SOX8: variants seen among roughly 807,000 people sequenced by gnomAD.
SOX8 encodes transcription factor SOX-8.
Under a neutral mutation model 22.9 loss-of-function variants are expected in SOX8, and 9 were observed. That is an observed-to-expected ratio of 0.39 (90% CI 0.24 to 0.69). SOX8 has a LOEUF of 0.69. Among genes scored for constraint, SOX8 ranks in the 30% least tolerant of loss-of-function variants. The pLI is 0.43. For missense variants in SOX8, 734 were observed against 699.4 expected, an observed-to-expected ratio of 1.05 and a Z score of -0.56; for synonymous variants, 416 against 330.6, an observed-to-expected ratio of 1.26 and a Z score of -2.80.
rs1472223167 is a variant in SOX8 at position 986,959 on chromosome 16, A to C, written c.*1573A>C. On this transcript the variant is annotated 3_prime_UTR_variant, in exon 3 of 3. Transcript: ENST00000293894. ...TTGTACAGATCGATTTGATAAAATT[A>C]AACAAAGTGCTTTTTATGGACGTGG... The C allele has an allele frequency of 1.3e-5, 2 of 152,242 alleles. No homozygotes were observed. Among genetic ancestry groups the C allele is most frequent in the Non-Finnish European group, 2.9e-5 (2 of 68,038 alleles). 9.4% of individuals were successfully genotyped at this position (152,242 alleles called of 1,614,324 possible). A position where few individuals can be genotyped will look rare whatever the true frequency, so the allele number is the denominator to read the frequency against.
chr16:984,194 GAC>G (rs1331932312), intron 2 of SOX8, among the ~76,000 whole-genome samples: 3 of 152,230 alleles, frequency 2.0e-5, no homozygotes, highest in Non-Finnish European at 4.4e-5. Context: ...GCTTGGCAGG[GAC>G]CCCGAGAGGT....
chr16:984,963 C>A lies in SOX8; in HGVS notation c.918C>A (p.Ala306=), dbSNP rs778583065. Reference sequence around the variant, plus strand: ...AGCCGGGCCAGGCCTATGGGGGCGCCTACTTCCACGCCGGGGCGTCCCCCG... The same window carrying A: ...AGCCGGGCCAGGCCTATGGGGGCGCATACTTCCACGCCGGGGCGTCCCCCG... ...PPEPGQAYGG[A]YFHAGASPVW... Residue 306 remains alanine (A), a synonymous_variant, in exon 3 of 3, where the codon GCC becomes GCA. Coordinates refer to ENST00000293894, the MANE Select transcript of SOX8 (RefSeq NM_014587.5). 23 of 1,596,484 alleles carry A rather than the reference C, an allele frequency of 1.4e-5. No individual in the cohort carries two copies. The highest frequency in any genetic ancestry group is 3.4e-4 in the Middle Eastern group (2 of 5,970).
rs1372425757 is a variant in SOX8 at position 984,934 on chromosome 16, C to T, written c.889C>T (p.Pro297Ser). 7 of 1,602,666 alleles carry T rather than the reference C, an allele frequency of 4.4e-6. No individual in the cohort carries two copies. Among genetic ancestry groups the T allele is most frequent in the South Asian group, 1.1e-5 (1 of 90,136 alleles). ...CCTGCCCCTGGGCGGCCCCGCCCCA[C>T]CCGAGCCGGGCCAGGCCTATGGGGG... The part of the protein sequence containing the change: ...QYLPLGGPAP[P>S]EPGQAYGGAY... Residue 297 changes from proline to serine, a missense_variant, in exon 3 of 3, where the codon CCC becomes TCC. Coordinates refer to ENST00000293894, the MANE Select transcript of SOX8 (RefSeq NM_014587.5).
At chr16:984,564 C>T (rs1343926926) in intron 2 of SOX8, 137 bp from the exon 3 acceptor site, 12 of 582,760 alleles carry the variant, frequency 2.1e-5, no homozygotes, top group African/African-American at 5.8e-5. Context: ...GCTGGAATTT[C>T]TGGGAAATGT....
intron 1 of SOX8, chr16:983,456 G>C (rs2073425896): frequency 2.9e-6 from 1 of 341,690 alleles, no homozygotes; most frequent in Non-Finnish European, 5.3e-6. Flanking sequence ...GCCCGGAATA[G>C]GGGGAAATAG....
Position 982,007 on chromosome 16 carries a change from G to A in SOX8, c.85G>A (p.Asp29Asn). ...ASSMSHVEDSDSDAPPSPAGS... is the reference protein window; with the variant it reads ...ASSMSHVEDSNSDAPPSPAGS... ...CTCCATGTCGCACGTGGAGGACTCG[G>A]ACTCGGACGCGCCGCCGTCTCCCGC... is the stretch of plus-strand genomic sequence containing the variant. Residue 29 changes from aspartate (D) to asparagine (N), a missense_variant, in exon 1 of 3, where the codon GAC (aspartate) becomes AAC (asparagine). Physicochemically the swap from Asp to Asn is conservative, Grantham distance 23. Coordinates refer to ENST00000293894, the MANE Select transcript of SOX8 (RefSeq NM_014587.5). 1 of 1,418,590 alleles carries A rather than the reference G, an allele frequency of 7.0e-7. No individual in the cohort carries two copies. Among genetic ancestry groups the A allele is most frequent in the Non-Finnish European group, 9.2e-7 (1 of 1,085,612 alleles). The allele number at this position is 1,418,590 out of a possible 1,614,324, so 87.9% of individuals were successfully genotyped here.
chr16:985,074 G>T lies in SOX8; in HGVS notation c.1029G>T (p.Pro343=). 6.3e-7 allele frequency: 1 copy of T among 1,585,546 alleles called. No individual in the cohort carries two copies. ...GGCCGCACATCAAGACGGAGCAGCCGAGCCCCGGCCACTACGGCGACCAGC... is the reference window on the plus strand; with the variant it reads ...GGCCGCACATCAAGACGGAGCAGCCTAGCCCCGGCCACTACGGCGACCAGC... ...PPRPHIKTEQ[P]SPGHYGDQPR... is the part of the protein sequence containing the mutation. The change falls in exon 3 of 3, where the codon CCG becomes CCT. Residue 343 remains proline (P), a synonymous_variant. Coordinates refer to ENST00000293894, the MANE Select transcript of SOX8 (RefSeq NM_014587.5).
At position 982,034 on chromosome 16, in the gene SOX8, G is replaced by C; in HGVS notation, c.112G>C (p.Gly38Arg). The C allele has an allele frequency of 7.3e-7, 1 of 1,373,036 alleles. No homozygotes were observed. Among genetic ancestry groups the C allele is most frequent in the African/African-American group, 1.5e-5 (1 of 66,244 alleles). The allele number at this position is 1,373,036 out of a possible 1,614,324, so 85.1% of individuals were successfully genotyped here. Residue 38 changes from glycine (G) to arginine (R), a missense_variant, in exon 1 of 3, where the codon GGC becomes CGC. By Grantham distance (125) the Gly-to-Arg change is moderately radical (BLOSUM62 -2). Coordinates refer to ENST00000293894, the MANE Select transcript of SOX8 (RefSeq NM_014587.5). The part of the protein sequence containing the change: ...SDSDAPPSPA[G>R]SEGLGRAGVA... ...CTCGGACGCGCCGCCGTCTCCCGCC[G>C]GCTCCGAGGGCCTGGGCCGCGCGGG...
rs751607152 is a variant in SOX8 at position 985,207 on chromosome 16, G to A, written c.1162G>A (p.Ala388Thr). Residue 388 changes from alanine to threonine, a missense_variant, in exon 3 of 3, where the codon GCC (alanine) becomes ACC (threonine). Physicochemically the swap from Ala to Thr is moderately conservative, Grantham distance 58. Transcript: ENST00000293894. The stretch of plus-strand genomic sequence containing the variant: ...ACAGGGCGACTATGGCGACCTGCAG[G>A]CCTCCAGCTACTATGGTGCCTACCC... ...GSQGDYGDLQ[A>T]SSYYGAYPGY... The A allele has an allele frequency of 3.1e-6, 5 of 1,611,768 alleles. No homozygotes were observed. In the Admixed American group the frequency reaches 5.0e-5, roughly 16 times the overall value.
At chr16:982,594 G>A (rs1321173223) in intron 1 of SOX8, 2 of 390,362 alleles carry the variant, frequency 5.1e-6, no homozygotes, top group Non-Finnish European at 8.9e-6. Flanking sequence ...CCCTCGTGGC[G>A]GGTGCGCTCT....
Position 984,712 on chromosome 16 carries a change from G to T in SOX8, c.667G>T (p.Gly223Trp). ...TCTCCTGTCCCCAGGGCAGACCCAC[G>T]GGCCGCCCACCCCGCCCACCACCCC... ...HHGDHTGQTH[G>W]PPTPPTTPKT... The change falls in exon 3 of 3, where the codon GGG becomes TGG. Residue 223 changes from glycine (G) to tryptophan (W), a missense_variant. Physicochemically the swap from Gly to Trp is radical, Grantham distance 184. This residue lies in a region of SOX8 where 588 missense variants were observed against 568.2 expected (regional missense o/e 1.03). Transcript: ENST00000293894. The T allele has an allele frequency of 6.5e-7, 1 of 1,536,854 alleles. No homozygotes were observed.
chr16:985,189 G>A lies in SOX8; in HGVS notation c.1144G>A (p.Asp382Asn), dbSNP rs143203270. Residue 382 changes from aspartate (D) to asparagine (N), a missense_variant, in exon 3 of 3, where the codon GAC becomes AAC. Coordinates refer to ENST00000293894, the MANE Select transcript of SOX8 (RefSeq NM_014587.5). The stretch of plus-strand genomic sequence containing the variant: ...CGGCCCCTTCGCCGGCTCACAGGGC[G>A]ACTATGGCGACCTGCAGGCCTCCAG... ...PAGPFAGSQG[D>N]YGDLQASSYY... is the part of the protein sequence containing the mutation. 7.7e-4 allele frequency: 1,234 copies of A among 1,611,336 alleles called. No individual in the cohort carries two copies. The highest frequency in any genetic ancestry group is 1.5e-3 in the Admixed American group (92 of 59,948).
intron 2 of SOX8, 34 bp from the exon 3 acceptor site, chr16:984,667 C>T (rs2073438270): frequency 2.9e-6 from 4 of 1,369,458 alleles, no homozygotes; most frequent in Non-Finnish European, 3.8e-6. Context: ...ACAGAAGGGG[C>T]ATTCATCCCT....
chr16:981,798 C>A lies in SOX8; in HGVS notation c.-125C>A. The A allele has an allele frequency of 2.7e-6, 1 of 375,858 alleles. No individual in the cohort carries two copies. The highest frequency in any genetic ancestry group is 3.7e-6 in the Non-Finnish European group (1 of 271,322). The allele number at this position is 375,858 out of a possible 1,614,324, so 23.3% of individuals were successfully genotyped here. On this transcript the variant is annotated 5_prime_UTR_variant, in exon 1 of 3. Coordinates refer to ENST00000293894, the MANE Select transcript of SOX8 (RefSeq NM_014587.5). The stretch of plus-strand genomic sequence containing the variant: ...ACCCGAGCCTCGGCGGCGGCGGCGG[C>A]GGCGGCAGGGGCGAGGGTCGGGGCC...
Position 983,793 on chromosome 16 carries a change from A to C in SOX8, c.488A>C (p.Lys163Thr). 1 of 1,612,858 alleles carries C rather than the reference A, an allele frequency of 6.2e-7. No individual in the cohort carries two copies. The highest frequency in any genetic ancestry group is 8.5e-7 in the Non-Finnish European group (1 of 1,179,832). Residue 163 changes from lysine (K) to threonine (T), a missense_variant, in exon 2 of 3, where the codon AAG becomes ACG. Physicochemically the swap from Lys to Thr is moderately conservative, Grantham distance 78 (BLOSUM62 -1). This residue lies in a region of SOX8 where 588 missense variants were observed against 568.2 expected (regional missense o/e 1.03). Transcript: ENST00000293894. ...GCAGAGCGCCTTCGCGTGCAGCACA[A>C]GAAGGACCACCCCGACTACAAGTAC... ...EEAERLRVQHKKDHPDYKYQP... is the reference protein window; with the variant it reads ...EEAERLRVQHTKDHPDYKYQP...
rs536751878 is a variant in SOX8 at position 985,010 on chromosome 16, C to T, written c.965C>T (p.Pro322Leu). The change falls in exon 3 of 3, where the codon CCG becomes CTG. Residue 322 changes from proline (P) to leucine (L), a missense_variant. Coordinates refer to ENST00000293894, the MANE Select transcript of SOX8 (RefSeq NM_014587.5). The part of the protein sequence containing the change: ...ASPVWAHKSA[P>L]SASASPTETG... ...CCCGTGTGGGCCCACAAGAGTGCCC[C>T]GTCGGCCTCCGCGTCGCCCACCGAG... 45 of 1,536,838 alleles carry T rather than the reference C, an allele frequency of 2.9e-5. No homozygotes were observed. The highest frequency in any genetic ancestry group is 1.8e-4 in the Middle Eastern group (1 of 5,532).
chr16:982,222 G>A lies in SOX8; in HGVS notation c.300G>A (p.Pro100=). Reference sequence around the variant, plus strand: ...GCGGCGGCGCGCTCAAAGCCAAGCCGCATGTGAAGCGGCCCATGAACGCAT... The same window carrying A: ...GCGGCGGCGCGCTCAAAGCCAAGCCACATGTGAAGCGGCCCATGAACGCAT... ...GGGGGALKAK[P]HVKRPMNAFM... is the part of the protein sequence containing the mutation. Residue 100 remains proline (P), a synonymous_variant, in exon 1 of 3, where the codon CCG becomes CCA. Transcript: ENST00000293894. 1.9e-6 allele frequency: 3 copies of A among 1,540,802 alleles called. No individual in the cohort carries two copies. Among genetic ancestry groups the A allele is most frequent in the East Asian group, 2.5e-5 (1 of 39,384 alleles).
Position 986,583 on chromosome 16 carries a change from G to A in SOX8, c.*1197G>A, listed in dbSNP as rs548312447. 1 of 152,516 alleles carries A rather than the reference G, an allele frequency of 6.6e-6. No individual in the cohort carries two copies. Among genetic ancestry groups the A allele is most frequent in the African/African-American group, 2.4e-5 (1 of 41,566 alleles). 9.4% of individuals were successfully genotyped at this position (152,516 alleles called of 1,614,324 possible). On this transcript the variant is annotated 3_prime_UTR_variant, in exon 3 of 3. Transcript: ENST00000293894. ...TGAAACTAAACCTTCTCCACTAAAC[G>A]TCGTTAGGGCCTCAGTTCTAGACGA...
At position 985,848 on chromosome 16, in the gene SOX8, C is replaced by T. The variant is rs372150575; in HGVS notation, c.*462C>T. The T allele has an allele frequency of 7.0e-4, 113 of 161,818 alleles. 2 individuals carry two copies. The South Asian group carries it at 0.02, about 29-fold the overall frequency. 10.0% of individuals were successfully genotyped at this position (161,818 alleles called of 1,614,324 possible). ...ACGGCTGCACGGGCTGTCCGGGATC[C>T]GGGGTGTCTGTCCGCAGACTGGGAT... On this transcript the variant is annotated 3_prime_UTR_variant, in exon 3 of 3. Transcript: ENST00000293894.
Sources: gnomAD v4.1 joint callset for allele counts (sites outside exome capture counted in the v4.1 genomes callset) on GRCh38, gnomAD v4.1.1 for gene constraint, gnomAD v4.1.1 regional missense constraint, MANE v1.5 for transcripts, NCBI Gene and HGNC (gene_info 2026-07-23, HGNC 2026-07-21) for gene names.